The following ZSCAN25 variants were observed in gnomAD, a reference collection of about 807,000 sequenced individuals.
ZSCAN25 encodes the protein zinc finger and SCAN domain containing 25, also known as zinc finger and SCAN domain-containing protein 25.
Under a neutral mutation model 38.7 loss-of-function variants are expected in ZSCAN25, and 27 were observed. The ratio of observed to expected loss-of-function variants is 0.70; its 90% CI spans 0.51 to 0.96. The LOEUF is 0.96. Ranked by LOEUF, ZSCAN25 falls within the 40% of genes least tolerant of loss-of-function variation. The pLI, the probability that ZSCAN25 is intolerant of heterozygous loss-of-function variation, is 0.00. For synonymous variants in ZSCAN25, 273 were observed against 277.7 expected (o/e 0.98, Z 0.17); for missense variants, 637 against 705.9 (o/e 0.90, Z 1.11).
chr7:99,683,666 C>G, the ZSCAN25 span, among the ~76,000 whole-genome samples: 1 of 152,110 alleles, frequency 6.6e-6, no homozygotes, highest in Non-Finnish European at 1.5e-5. Context: ...GTTCTCCATG[C>G]CCTGTTTAGG....
the ZSCAN25 span, among the ~76,000 whole-genome samples, chr7:99,718,892 T>G: frequency 2.6e-5 from 4 of 152,116 alleles, no homozygotes; most frequent in Admixed American, 2.0e-4. Flanking sequence ...AAAAACATAA[T>G]ATCATTTACA....
the ZSCAN25 span, chr7:99,665,457 C>CT: frequency 4.8e-6 from 6 of 1,252,270 alleles, no homozygotes; most frequent in Middle Eastern, 2.8e-4. Context: ...CATCTTCCAT[C>CT]TACTCCCTCA....
downstream of ZSCAN25, among the ~76,000 whole-genome samples, chr7:99,632,873 T>G (rs1002465824): frequency 6.6e-6 from 1 of 152,230 alleles, no homozygotes; most frequent in Non-Finnish European, 1.5e-5. Flanking sequence ...AATTTGTTGC[T>G]TTGTCTCTTA....
the ZSCAN25 span, among the ~76,000 whole-genome samples, chr7:99,645,630 CTT>C: frequency 6.6e-6 from 1 of 151,482 alleles, no homozygotes; most frequent in Non-Finnish European, 1.5e-5. Flanking sequence ...TTTTTTGACT[CTT>C]TATTAATAGC....
At chr7:99,646,935 C>A in the ZSCAN25 span, among the ~76,000 whole-genome samples, 3 of 152,078 alleles carry the variant, frequency 2.0e-5, no homozygotes, top group East Asian at 3.9e-4. Flanking sequence ...ATCTATCTAT[C>A]TAGAAAAGTA....
chr7:99,628,796 T>G (rs116241809), intron 7 of ZSCAN25, among the ~76,000 whole-genome samples: 1 of 151,922 alleles, frequency 6.6e-6, no homozygotes, highest in South Asian at 2.1e-4. Flanking sequence ...GCAGGACATC[T>G]GGATGAATGG....
the ZSCAN25 span, among the ~76,000 whole-genome samples, chr7:99,736,939 G>C: frequency 6.6e-6 from 1 of 152,290 alleles, no homozygotes; most frequent in East Asian, 1.9e-4. Flanking sequence ...TGCTTGGATG[G>C]AGGTATGCAT....
chr7:99,680,356 G>A, the ZSCAN25 span, among the ~76,000 whole-genome samples: 10 of 152,100 alleles, frequency 6.6e-5, no homozygotes, highest in Admixed American at 2.6e-4. Context: ...TGACTCCTAC[G>A]TATCCTTCCA....
At chr7:99,679,284 A>C in the ZSCAN25 span, among the ~76,000 whole-genome samples, 1 of 152,104 alleles carries the variant, frequency 6.6e-6, no homozygotes, top group Non-Finnish European at 1.5e-5. Flanking sequence ...GCTTCCCATG[A>C]AGTCTTGGTG....
At chr7:99,678,333 G>A in the ZSCAN25 span, among the ~76,000 whole-genome samples, 1 of 152,202 alleles carries the variant, frequency 6.6e-6, no homozygotes. Context: ...CCTGAGAGCT[G>A]AGGAATATTT....
chr7:99,723,929 C>A, the ZSCAN25 span, among the ~76,000 whole-genome samples: 5 of 152,302 alleles, frequency 3.3e-5, no homozygotes, highest in South Asian at 8.3e-4. Flanking sequence ...TGGTTATTCA[C>A]CCACATTTCA....
chr7:99,632,989 G>GTTGTTTTTTTTTTTTTTTTTTTT (rs1554412109), downstream of ZSCAN25, among the ~76,000 whole-genome samples: 14 of 128,528 alleles, frequency 1.1e-4, no homozygotes, highest in South Asian at 3.1e-4. Flanking sequence ...ATTTTCTGTT[G>GTTGTTTTTTTTTTTTTTTTTTTT]TTTTTTTTTT....
chr7:99,718,723 T>C, the ZSCAN25 span, among the ~76,000 whole-genome samples: 1 of 152,212 alleles, frequency 6.6e-6, no homozygotes, highest in Non-Finnish European at 1.5e-5. Flanking sequence ...ATTGTCTCTA[T>C]TTTCAAGTGA....
At chr7:99,653,046 G>C in the ZSCAN25 span, among the ~76,000 whole-genome samples, 1 of 152,138 alleles carries the variant, frequency 6.6e-6, no homozygotes, top group Non-Finnish European at 1.5e-5. This position sits in a 1 kb window ranked among gnomAD's most constrained non-coding sequence, Gnocchi z 4.2. Flanking sequence ...CCATGTAGTG[G>C]TTTTTCTTTC....
chr7:99,683,475 A>G, the ZSCAN25 span, among the ~76,000 whole-genome samples: 1 of 152,206 alleles, frequency 6.6e-6, no homozygotes, highest in Non-Finnish European at 1.5e-5. Flanking sequence ...ATTTTAATCT[A>G]ATTTCATAGG....
At chr7:99,699,911 GT>G in the ZSCAN25 span, 3 of 1,203,066 alleles carry the variant, frequency 2.5e-6, no homozygotes, top group Non-Finnish European at 3.7e-6. Flanking sequence ...AGGGGCCTGA[GT>G]AGCACCCCAA....
At chr7:99,623,971 T>C in intron 6 of ZSCAN25, 86 bp from the exon 7 acceptor site, 16 of 1,578,416 alleles carry the variant, frequency 1.0e-5, no homozygotes, top group Non-Finnish European at 1.3e-5. Flanking sequence ...AGGAAGCTGG[T>C]TGGGAGGAAG....
At chr7:99,640,437 C>T in the ZSCAN25 span, among the ~76,000 whole-genome samples, 4 of 152,318 alleles carry the variant, frequency 2.6e-5, 1 homozygote, top group South Asian at 8.3e-4. Context: ...GGATTACAGG[C>T]GTGAGCCACC....
chr7:99,642,798 C>CT, the ZSCAN25 span, among the ~76,000 whole-genome samples: 1 of 152,074 alleles, frequency 6.6e-6, no homozygotes. Flanking sequence ...AGAAACTTTG[C>CT]TTTTTTTGCT....
Sources: allele counts gnomAD v4.1 joint callset (sites outside exome capture counted in the v4.1 genomes callset), GRCh38; gene constraint gnomAD v4.1.1; non-coding constraint Gnocchi (gnomAD v3.1); transcripts MANE v1.5; gene names NCBI Gene and HGNC (gene_info 2026-07-23, HGNC 2026-07-21).